The following SLC44A2 variants were observed in gnomAD, a reference collection of about 807,000 sequenced individuals.
SLC44A2 encodes choline transporter-like protein 2.
In SLC44A2, 57 loss-of-function variants were observed where a neutral mutation model predicts 90.8. The ratio of observed to expected loss-of-function variants is 0.63; its 90% CI spans 0.51 to 0.78. The LOEUF is 0.78. Ranked by LOEUF, SLC44A2 falls within the 30% of genes least tolerant of loss-of-function variation. SLC44A2 has a pLI of 0.00. For synonymous variants in SLC44A2, 355 were observed against 360.7 expected, an observed-to-expected ratio of 0.98 and a Z score of 0.18; for missense variants, 794 against 919.7, an observed-to-expected ratio of 0.86 and a Z score of 1.77.
chr19:10,625,407 C>T, upstream of SLC44A2: 13 of 1,152,192 alleles, frequency 1.1e-5, no homozygotes, highest in Non-Finnish European at 1.4e-5. Flanking sequence ...TGCGGCCGGC[C>T]GGTGAGTGGC....
Position 10,625,562 on chromosome 19 carries a change from C to A in SLC44A2, c.-72C>A. On this transcript the variant is annotated 5_prime_UTR_variant, in exon 1 of 22. Transcript: ENST00000335757. ...CGCCAGTCGCGCGGTCAGTGCCTCC[C>A]TCCAGACTCGGGAGGGTCGAGGGGG... The A allele has an allele frequency of 8.1e-7, 1 of 1,233,480 alleles. No homozygotes were observed. The highest frequency in any genetic ancestry group is 4.1e-5 in the South Asian group (1 of 24,650). 76.4% of individuals were successfully genotyped at this position (1,233,480 alleles called of 1,614,324 possible).
intron 16 of SLC44A2, chr19:10,637,216 G>A: frequency 4.6e-6 from 1 of 217,564 alleles, no homozygotes; most frequent in South Asian, 6.5e-5. Flanking sequence ...CAGGCATGGT[G>A]GTGTGTGCGT....
chr19:10,624,071 CA>C (rs2066911085), upstream of SLC44A2, among the ~76,000 whole-genome samples: 1 of 152,086 alleles, frequency 6.6e-6, no homozygotes, highest in South Asian at 2.1e-4. Flanking sequence ...GATCTCGGCT[CA>C]TTGCAACCTC....
chr19:10,620,777 C>T (rs1360966495), upstream of SLC44A2, among the ~76,000 whole-genome samples: 4 of 152,068 alleles, frequency 2.6e-5, no homozygotes, highest in Admixed American at 2.6e-4. Context: ...CATCTGTAAT[C>T]CCAGGGTTTT....
intron 1 of SLC44A2, among the ~76,000 whole-genome samples, chr19:10,616,668 C>A (rs1443977190): frequency 1.3e-5 from 2 of 151,884 alleles, no homozygotes; most frequent in Admixed American, 1.3e-4. Flanking sequence ...AGTTCAAGAC[C>A]AGCCTGGCCA....
intron 9 of SLC44A2, 31 bp from the exon 10 acceptor site, chr19:10,632,013 A>G (rs201315324): frequency 6.8e-6 from 11 of 1,613,620 alleles, no homozygotes; most frequent in African/African-American, 1.3e-5. Context: ...CTGAGGGTGG[A>G]GTCTGTTCAT....
chr19:10,611,526 G>A (rs1434040977), intron 1 of SLC44A2, among the ~76,000 whole-genome samples: 9 of 144,988 alleles, frequency 6.2e-5, no homozygotes, highest in Admixed American at 1.3e-4. Flanking sequence ...CCAGCTGTTT[G>A]TGAGGCCAAG....
At chr19:10,641,106 C>T (rs762721970) in intron 20 of SLC44A2, 1 of 388,256 alleles carries the variant, frequency 2.6e-6, no homozygotes, top group South Asian at 1.9e-5. Flanking sequence ...AAAAAAAAGG[C>T]TCTCAGCCAG....
intron 1 of SLC44A2, among the ~76,000 whole-genome samples, chr19:10,612,280 G>T (rs1918326069): frequency 6.6e-6 from 1 of 151,988 alleles, no homozygotes; most frequent in Admixed American, 6.6e-5. Context: ...TCTGAGGCGG[G>T]AGGATCACTT....
At chr19:10,616,906 C>T (rs1009633429) in intron 1 of SLC44A2, among the ~76,000 whole-genome samples, 10 of 151,436 alleles carry the variant, frequency 6.6e-5, no homozygotes, top group African/African-American at 2.4e-4. Flanking sequence ...CCACGCCCAG[C>T]TTGTTCTTCT....
At chr19:10,638,895 G>A (rs1029077329) in intron 20 of SLC44A2, among the ~76,000 whole-genome samples, 5 of 151,578 alleles carry the variant, frequency 3.3e-5, no homozygotes, top group African/African-American at 1.2e-4. Context: ...CGCCTCCCAG[G>A]TTTAAGTAAT....
chr19:10,620,987 T>C (rs1304727106), upstream of SLC44A2, among the ~76,000 whole-genome samples: 1 of 151,722 alleles, frequency 6.6e-6, no homozygotes, highest in Non-Finnish European at 1.5e-5. Flanking sequence ...TGCAGTGAGC[T>C]ATGATTGCTC....
At position 10,625,607 on chromosome 19, in the gene SLC44A2, G is replaced by T. The variant is rs567409831; in HGVS notation, c.-27G>T. The T allele has an allele frequency of 1.5e-3, 1,817 of 1,243,370 alleles. 6 individuals carry two copies. The highest frequency in any genetic ancestry group is 1.1e-3 in the Non-Finnish European group (1,105 of 989,740). 77.0% of individuals were successfully genotyped at this position (1,243,370 alleles called of 1,614,324 possible). A position where few individuals can be genotyped will look rare whatever the true frequency, so the allele number is the denominator to read the frequency against. ...AGGGGGCGCGGGAGAGAGCGCGGGCGGCCGCCGGGGCTGGTCGCCTGCAGG... is the reference window on the plus strand; with the variant it reads ...AGGGGGCGCGGGAGAGAGCGCGGGCTGCCGCCGGGGCTGGTCGCCTGCAGG... On this transcript the variant is annotated 5_prime_UTR_variant, in exon 1 of 22. Transcript: ENST00000335757.
chr19:10,612,896 G>A (rs75219918), intron 1 of SLC44A2, among the ~76,000 whole-genome samples: 9,861 of 152,214 alleles, frequency 0.065, 387 homozygotes, highest in Middle Eastern at 0.11. Context: ...ACCTGCCAAG[G>A]AAAAGGCCTG....
chr19:10,615,964 C>A (rs759818791), intron 1 of SLC44A2, among the ~76,000 whole-genome samples: 95 of 151,982 alleles, frequency 6.3e-4, no homozygotes, highest in Non-Finnish European at 1.2e-3. Context: ...GATTTAGAGA[C>A]CAGCCTGGGC....
chr19:10,615,965 C>T (rs2066851888), intron 1 of SLC44A2, among the ~76,000 whole-genome samples: 1 of 151,936 alleles, frequency 6.6e-6, no homozygotes, highest in Admixed American at 6.6e-5. Flanking sequence ...ATTTAGAGAC[C>T]AGCCTGGGCA....
chr19:10,603,229 T>C (rs1211645660), intron 1 of SLC44A2, among the ~76,000 whole-genome samples: 1 of 152,170 alleles, frequency 6.6e-6, no homozygotes, highest in African/African-American at 2.4e-5. Flanking sequence ...TGGGGCGACC[T>C]CAGGCATTTG....
At chr19:10,630,447 AG>A (rs2066981480) in intron 4 of SLC44A2, among the ~76,000 whole-genome samples, 1 of 152,086 alleles carries the variant, frequency 6.6e-6, no homozygotes, top group Non-Finnish European at 1.5e-5. Context: ...ACCTGAGGTC[AG>A]GAGTTCGAGA....
intron 1 of SLC44A2, among the ~76,000 whole-genome samples, chr19:10,620,497 A>G (rs1479788931): frequency 1.3e-5 from 2 of 152,208 alleles, no homozygotes; most frequent in Non-Finnish European, 2.9e-5. Context: ...TTAATTTTTA[A>G]AATATGTACC....
Sources: gnomAD v4.1 joint callset for allele counts (sites outside exome capture counted in the v4.1 genomes callset) on GRCh38, gnomAD v4.1.1 for gene constraint, MANE v1.5 for transcripts, NCBI Gene and HGNC (gene_info 2026-07-23, HGNC 2026-07-21) for gene names.